CNTNAP3: variants seen among roughly 807,000 people sequenced by gnomAD.
CNTNAP3 encodes the protein contactin associated protein family member 3.
In CNTNAP3, 36 loss-of-function variants were observed where a neutral mutation model predicts 92.1. The observed-to-expected ratio is 0.39, with a 90% CI of 0.30 to 0.52. CNTNAP3 has a LOEUF of 0.52. CNTNAP3 is among the 20% of genes least tolerant of loss of function. CNTNAP3 has a pLI of 0.76. For synonymous variants in CNTNAP3, 232 were observed against 422.3 expected (o/e 0.55, Z 5.53); for missense variants, 534 against 1,069.6 (o/e 0.50, Z 6.98).
At chr9:39,098,764 AT>A (rs1001969541) in intron 18 of CNTNAP3, among the ~76,000 whole-genome samples, 2 of 152,208 alleles carry the variant, frequency 1.3e-5, no homozygotes, top group African/African-American at 2.4e-5. Flanking sequence ...AATCCTCAAA[AT>A]TTTTTTGAAA....
chr9:39,090,416 T>G (rs1186170721), intron 18 of CNTNAP3, among the ~76,000 whole-genome samples: 1 of 152,236 alleles, frequency 6.6e-6, no homozygotes, highest in East Asian at 1.9e-4. Context: ...TTTATGTATG[T>G]GTGAGATAGA....
chr9:39,128,579 T>C (rs1758256), intron 13 of CNTNAP3, among the ~76,000 whole-genome samples: 4 of 151,834 alleles, frequency 2.6e-5, no homozygotes, highest in Admixed American at 6.6e-5. Flanking sequence ...CCACATAACA[T>C]AGGAAACAAG....
chr9:39,135,599 TTCC>T (rs748593131), intron 12 of CNTNAP3, among the ~76,000 whole-genome samples: 14 of 152,158 alleles, frequency 9.2e-5, no homozygotes, highest in Non-Finnish European at 1.8e-4. Context: ...AGTACAGATG[TTCC>T]TCAATTTATG....
chr9:39,095,230 T>G (rs576124193), intron 18 of CNTNAP3, among the ~76,000 whole-genome samples: 2 of 151,856 alleles, frequency 1.3e-5, no homozygotes, highest in East Asian at 3.9e-4. Context: ...CTTAACAGCT[T>G]TTATTTCCTG....
chr9:39,159,411 A>ATT (rs1554651724), intron 9 of CNTNAP3: 3 of 129,348 alleles, frequency 2.3e-5, no homozygotes, highest in African/African-American at 8.7e-5. Context: ...ATATATATAT[A>ATT]TTTTTTTTTC....
intron 18 of CNTNAP3, among the ~76,000 whole-genome samples, chr9:39,090,066 A>C (rs1388200370): frequency 1.3e-5 from 2 of 151,872 alleles, no homozygotes; most frequent in Non-Finnish European, 2.9e-5. Flanking sequence ...CAGCCTCCCA[A>C]GTAGCTGGGA....
At chr9:39,083,351 T>C (rs1825990061) in intron 21 of CNTNAP3, among the ~76,000 whole-genome samples, 2 of 152,056 alleles carry the variant, frequency 1.3e-5, no homozygotes, top group African/African-American at 4.8e-5. Flanking sequence ...TTGATATATA[T>C]ATGTAATTTT....
chr9:39,143,333 T>C (rs1821621848), intron 11 of CNTNAP3, among the ~76,000 whole-genome samples: 1 of 152,100 alleles, frequency 6.6e-6, no homozygotes, highest in Non-Finnish European at 1.5e-5. Flanking sequence ...TCTCCAGCGA[T>C]TCTGATTTAG....
intron 13 of CNTNAP3, 121 bp downstream of exon 13, chr9:39,132,811 A>G (rs1821325726): frequency 3.5e-6 from 4 of 1,158,958 alleles, no homozygotes; most frequent in Non-Finnish European, 4.6e-6. Flanking sequence ...GAGAGTGGTC[A>G]GGGCTTTGAA....
At chr9:39,115,506 C>T (rs1820835886) in intron 14 of CNTNAP3, among the ~76,000 whole-genome samples, 1 of 130,234 alleles carries the variant, frequency 7.7e-6, no homozygotes, top group Admixed American at 8.2e-5. Context: ...CACACCCCCA[C>T]ATTTACAAAA....
Position 39,105,198 on chromosome 9 carries a change from C to T in CNTNAP3, c.2366-1284G>A, listed in dbSNP as rs1034333397. ...ACCCCAGCACTTTGGGAGGCCAAGG[C>T]GGGCGGATCATGAAGTCAGGAGATC... On this transcript the variant is annotated intron_variant, in intron 15 of 23. Transcript: ENST00000297668. Among the ~76,000 whole-genome samples, 18 of 152,202 alleles carry T rather than the reference C, an allele frequency of 1.2e-4. 1 individual carries two copies. The highest frequency in any genetic ancestry group is 3.6e-4 in the African/African-American group (15 of 41,530).
At chr9:39,143,183 T>G in intron 11 of CNTNAP3, among the ~76,000 whole-genome samples, 1 of 150,914 alleles carries the variant, frequency 6.6e-6, no homozygotes, top group Admixed American at 6.6e-5. Context: ...AGGGTGATTC[T>G]TCAGTAAAGA....
rs1423422747 is a variant in CNTNAP3, at chr9:39,072,792, A to G, written c.*1098T>C. Reference sequence around the variant, plus strand: ...TTCAGTTAAGCTATTTTTTTAATAAATTGAAAAGATGTTCTGTACAACATA... The same window carrying G: ...TTCAGTTAAGCTATTTTTTTAATAAGTTGAAAAGATGTTCTGTACAACATA... On this transcript the variant is annotated 3_prime_UTR_variant, in exon 24 of 24. Transcript: ENST00000297668. The G allele has an allele frequency of 6.6e-6, 1 of 152,300 alleles. No homozygotes were observed. Among genetic ancestry groups the G allele is most frequent in the Non-Finnish European group, 1.5e-5 (1 of 68,052 alleles). 9.4% of individuals were successfully genotyped at this position (152,300 alleles called of 1,614,324 possible).
intron 14 of CNTNAP3, among the ~76,000 whole-genome samples, chr9:39,114,577 G>T (rs1820808945): frequency 6.6e-6 from 1 of 152,004 alleles, no homozygotes; most frequent in Non-Finnish European, 1.5e-5. Flanking sequence ...TATTCTTTTA[G>T]TTTCAACTTC....
At chr9:39,132,840 A>C in intron 13 of CNTNAP3, 92 bp downstream of exon 13, 1 of 1,386,774 alleles carries the variant, frequency 7.2e-7, no homozygotes, top group East Asian at 2.8e-5. Flanking sequence ...CACGGGAGGG[A>C]CCCTGGCCTT....
intron 18 of CNTNAP3, among the ~76,000 whole-genome samples, chr9:39,089,343 T>A (rs1036420364): frequency 5.9e-5 from 9 of 152,268 alleles, no homozygotes; most frequent in Non-Finnish European, 1.0e-4. Context: ...TCACTTAGCA[T>A]GGTATTTTCA....
intron 18 of CNTNAP3, among the ~76,000 whole-genome samples, chr9:39,091,755 T>G (rs1826208543): frequency 6.6e-6 from 1 of 151,844 alleles, no homozygotes; most frequent in Non-Finnish European, 1.5e-5. Flanking sequence ...TTTTATTTTT[T>G]GGAAGAGTTT....
At chr9:39,131,846 T>C (rs1821301502) in intron 13 of CNTNAP3, among the ~76,000 whole-genome samples, 1 of 150,300 alleles carries the variant, frequency 6.7e-6, no homozygotes, top group South Asian at 2.1e-4. Context: ...TGGTCTGGCA[T>C]ATTCCAGGGG....
rs1451767269 is a variant in CNTNAP3 at position 39,112,212 on chromosome 9, G to A, written c.2238-2925C>T. Among the ~76,000 whole-genome samples, 9 of 151,176 alleles carry A rather than the reference G, an allele frequency of 6.0e-5. No homozygotes were observed. In the South Asian group the frequency reaches 1.3e-3, roughly 21 times the overall value. ...ATTTTTATTTATTAGAAATTCCTACGGTTCTGGAAATTGTACTTTCCTAGG... is the reference window on the plus strand; with the variant it reads ...ATTTTTATTTATTAGAAATTCCTACAGTTCTGGAAATTGTACTTTCCTAGG... On this transcript the variant is annotated intron_variant, in intron 14 of 23. Coordinates refer to ENST00000297668, the MANE Select transcript of CNTNAP3 (RefSeq NM_033655.5).
Sources: gnomAD v4.1 joint callset for allele counts (sites outside exome capture counted in the v4.1 genomes callset) on GRCh38, gnomAD v4.1.1 for gene constraint, MANE v1.5 for transcripts, NCBI Gene and HGNC (gene_info 2026-07-23, HGNC 2026-07-21) for gene names.